ANKS6: variants seen among roughly 807,000 people sequenced by gnomAD.
The protein encoded by ANKS6 is ankyrin repeat and SAM domain-containing protein 6.
In ANKS6, 47 loss-of-function variants were observed where a neutral mutation model predicts 77.9. That is an observed-to-expected ratio of 0.60 (90% CI 0.48 to 0.77). ANKS6 has a LOEUF of 0.77. Among genes scored for constraint, ANKS6 ranks in the 30% least tolerant of loss-of-function variants. The pLI is 0.00. For synonymous variants in ANKS6, 488 were observed against 501.7 expected (o/e 0.97, Z 0.37); for missense variants, 1,150 against 1,159.1 (o/e 0.99, Z 0.11).
intron 11 of ANKS6, 55 bp from the exon 12 acceptor site, chr9:98,756,658 G>A: frequency 7.2e-7 from 1 of 1,387,532 alleles, no homozygotes; most frequent in Non-Finnish European, 9.4e-7. Flanking sequence ...GTAGAAATGA[G>A]GAAAACAAGA....
Position 98,770,898 on chromosome 9 carries a change from G to A in ANKS6, c.1970C>T (p.Ser657Leu). The A allele has an allele frequency of 6.7e-7, 1 of 1,499,188 alleles. No individual in the cohort carries two copies. The highest frequency in any genetic ancestry group is 8.9e-7 in the Non-Finnish European group (1 of 1,117,738). 92.9% of individuals were successfully genotyped at this position (1,499,188 alleles called of 1,614,324 possible). A position where few individuals can be genotyped will look rare whatever the true frequency, so the allele number is the denominator to read the frequency against. Residue 657 changes from serine (S) to leucine (L), a missense_variant and splice_region_variant, in exon 10 of 15, where the codon TCA (serine) becomes TTA (leucine). Physicochemically the swap from Ser to Leu is moderately radical, Grantham distance 145. Coordinates refer to ENST00000353234, the MANE Select transcript of ANKS6 (RefSeq NM_173551.5). ...SRHGGELLNR[S>L]GGSIDNVLSQ... is the part of the protein sequence containing the mutation. The stretch of plus-strand genomic sequence containing the variant: ...AGTGGCCCTGCCCAGCTACTCACCT[G>A]AGCGGTTAAGCAGCTCCCCACCGTG...
intron 9 of ANKS6, among the ~76,000 whole-genome samples, chr9:98,771,329 A>T (rs567844681): frequency 6.6e-6 from 1 of 152,098 alleles, no homozygotes; most frequent in Non-Finnish European, 1.5e-5. Context: ...CCAGGAAAAA[A>T]CCTGACCATG....
Position 98,733,622 on chromosome 9 carries a change from A to T in ANKS6, c.*2897T>A. ...GGGGCTTCTCCAATGGTGTCCAAGG[A>T]ATTCCAGTCTTGCAAAAGCACCTTG... On this transcript the variant is annotated 3_prime_UTR_variant, in exon 15 of 15. Coordinates refer to ENST00000353234, the MANE Select transcript of ANKS6 (RefSeq NM_173551.5). 1 of 985,492 alleles carries T rather than the reference A, an allele frequency of 1.0e-6. No homozygotes were observed. The highest frequency in any genetic ancestry group is 1.7e-5 in the African/African-American group (1 of 57,372). The allele number at this position is 985,492 out of a possible 1,614,324, so 61.0% of individuals were successfully genotyped here. A position where few individuals can be genotyped will look rare whatever the true frequency, so the allele number is the denominator to read the frequency against.
In ANKS6 at chr9:98,735,664, G is replaced by C. The variant is rs1438448173; in HGVS notation, c.*855C>G. On this transcript the variant is annotated 3_prime_UTR_variant, in exon 15 of 15. Transcript: ENST00000353234. ...TACAGGTGAGCACTGTGGAGTACCA[G>C]AGCATCATCTGGTCTGACCTTCCAC... 8.1e-7 allele frequency: 1 copy of C among 1,231,746 alleles called. No homozygotes were observed. The allele number at this position is 1,231,746 out of a possible 1,614,324, so 76.3% of individuals were successfully genotyped here.
At chr9:98,764,585 G>T (rs1341521837) in intron 11 of ANKS6, among the ~76,000 whole-genome samples, 1 of 152,116 alleles carries the variant, frequency 6.6e-6, no homozygotes, top group East Asian at 1.9e-4. Context: ...TTGTGATTCA[G>T]TTGGGGTAAA....
chr9:98,740,754 C>A (rs952200537), intron 14 of ANKS6, among the ~76,000 whole-genome samples: 1 of 152,072 alleles, frequency 6.6e-6, no homozygotes. Context: ...TTTAAAAACC[C>A]CTGAGTTTCA....
Position 98,790,154 on chromosome 9 carries a change from C to A in ANKS6, c.812G>T (p.Arg271Met). 1 of 1,590,558 alleles carries A rather than the reference C, an allele frequency of 6.3e-7. No individual in the cohort carries two copies. The highest frequency in any genetic ancestry group is 8.6e-7 in the Non-Finnish European group (1 of 1,161,910). The change falls in exon 2 of 15, where the codon AGG becomes ATG. Residue 271 changes from arginine to methionine, a missense_variant. Arg to Met is a moderately conservative substitution (Grantham distance 91). Coordinates refer to ENST00000353234, the MANE Select transcript of ANKS6 (RefSeq NM_173551.5). ...AFEVALDCKH[R>M]DLVDYLDPLT... ...CGGGTCCAGGTAGTCTACAAGGTCC[C>A]TGTGCTTGCAGTCCAGTGCAACCTC...
Position 98,786,003 on chromosome 9 carries a change from G to A in ANKS6, c.863-1127C>T, listed in dbSNP as rs146984314. Among the ~76,000 whole-genome samples the A allele has an allele frequency of 1.4e-3, 217 of 152,244 alleles. 2 individuals are homozygous for A. The East Asian group carries it at 0.034, about 24-fold the overall frequency. The stretch of plus-strand genomic sequence containing the variant: ...ACCCCAGAATTCTTTTTTTGAGATG[G>A]AGTCTCGCTCTGTCACCCAGGCTGG... On this transcript the variant is annotated intron_variant, in intron 2 of 14. Coordinates refer to ENST00000353234, the MANE Select transcript of ANKS6 (RefSeq NM_173551.5).
chr9:98,784,088 C>T lies in ANKS6; in HGVS notation c.977G>A (p.Gly326Glu), dbSNP rs766422156. 1 of 1,599,084 alleles carries T rather than the reference C, an allele frequency of 6.3e-7. No individual in the cohort carries two copies. Among genetic ancestry groups the T allele is most frequent in the Non-Finnish European group, 8.5e-7 (1 of 1,171,668 alleles). ...AGCTGCTAGCATCAGTGGCGTCGCC[C>T]CGTCCCCATTGACCAAGTTCACGTG... ...PSHVNLVNGD[G>E]ATPLMLAAVT... The change falls in exon 4 of 15, where the codon GGG (glycine) becomes GAG (glutamate). Residue 326 changes from glycine (G) to glutamate (E), a missense_variant. Gly to Glu is a moderately conservative substitution (Grantham distance 98). Transcript: ENST00000353234.
At chr9:98,785,468 T>C (rs547534725) in intron 2 of ANKS6, among the ~76,000 whole-genome samples, 13 of 152,346 alleles carry the variant, frequency 8.5e-5, no homozygotes, top group Non-Finnish European at 1.9e-4. Context: ...GGCATCTTCA[T>C]GCTGTACCCT....
chr9:98,745,982 C>T (rs546146430), intron 13 of ANKS6: 8 of 357,242 alleles, frequency 2.2e-5, no homozygotes, highest in South Asian at 7.5e-5. Flanking sequence ...ATCCAAGGCC[C>T]GCTATTAGAA....
At chr9:98,760,898 A>C (rs1413271367) in intron 11 of ANKS6, among the ~76,000 whole-genome samples, 1 of 152,212 alleles carries the variant, frequency 6.6e-6, no homozygotes, top group African/African-American at 2.4e-5. Flanking sequence ...TTTTTTAAAA[A>C]TCCACCTAGT....
In ANKS6 at chr9:98,788,958, A is replaced by AT. The variant is rs550805872; in HGVS notation, c.862+1145dup. On this transcript the variant is annotated intron_variant, in intron 2 of 14. Coordinates refer to ENST00000353234, the MANE Select transcript of ANKS6 (RefSeq NM_173551.5). ...TCCTTTTCATTTGAGCATCCTCTTCATTTTTGCCACCTCTCTGTCATTACA... is the reference window on the plus strand; with the variant it reads ...TCCTTTTCATTTGAGCATCCTCTTCATTTTTTGCCACCTCTCTGTCATTACA... Among the ~76,000 whole-genome samples the AT allele has an allele frequency of 5.8e-3, 860 of 149,418 alleles. 8 individuals are homozygous for AT. The highest frequency in any genetic ancestry group is 7.9e-3 in the Non-Finnish European group (533 of 67,552).
Position 98,732,369 on chromosome 9 carries a change from A to G in ANKS6, c.*4150T>C, listed in dbSNP as rs1831247530. On this transcript the variant is annotated 3_prime_UTR_variant, in exon 15 of 15. Coordinates refer to ENST00000353234, the MANE Select transcript of ANKS6 (RefSeq NM_173551.5). Reference sequence around the variant, plus strand: ...TCAGCTTCTACGACTTGGTCAAACTATCTTTCTTTCTGTCTGCCATGCCAG... The same window carrying G: ...TCAGCTTCTACGACTTGGTCAAACTGTCTTTCTTTCTGTCTGCCATGCCAG... 2 of 1,052,484 alleles carry G rather than the reference A, an allele frequency of 1.9e-6. No individual in the cohort carries two copies. The highest frequency in any genetic ancestry group is 2.7e-6 in the Non-Finnish European group (2 of 733,130). The allele number at this position is 1,052,484 out of a possible 1,614,324, so 65.2% of individuals were successfully genotyped here.
intron 11 of ANKS6, among the ~76,000 whole-genome samples, chr9:98,758,683 T>G (rs1398622244): frequency 6.6e-6 from 1 of 152,374 alleles, no homozygotes; most frequent in Non-Finnish European, 1.5e-5. Flanking sequence ...TTCATACCGA[T>G]ACCTCTGACT....
Position 98,780,247 on chromosome 9 carries a change from G to C in ANKS6, c.1310C>G (p.Ser437Trp), listed in dbSNP as rs60911313. The C allele has an allele frequency of 9.9e-6, 16 of 1,613,936 alleles. No individual in the cohort carries two copies. The highest frequency in any genetic ancestry group is 4.4e-5 in the South Asian group (4 of 90,958). ...GATGCTCCAGGGCTGTCGGACCTTC[G>C]AGTGGGGCAGGGGAGGCTGGTGGCT... is the stretch of plus-strand genomic sequence containing the variant. ...RPSHQPPLPH[S>W]KVRQPWSIPV... The change falls in exon 6 of 15, where the codon TCG becomes TGG. Residue 437 changes from serine (S) to tryptophan (W), a missense_variant. Transcript: ENST00000353234.
intron 11 of ANKS6, among the ~76,000 whole-genome samples, chr9:98,764,012 A>T (rs911436158): frequency 3.7e-4 from 56 of 152,156 alleles, no homozygotes; most frequent in Non-Finnish European, 6.6e-4. Context: ...GGCAGGCCCA[A>T]ATGGTTTCCC....
At position 98,739,048 on chromosome 9, in the gene ANKS6, G is replaced by A. The variant is rs546117032; in HGVS notation, c.2512-2425C>T. On this transcript the variant is annotated intron_variant, in intron 14 of 14. Coordinates refer to ENST00000353234, the MANE Select transcript of ANKS6 (RefSeq NM_173551.5). ...AACCAAAAATAATATGTTCTCACTT[G>A]TAAGTGGGAGCTAAGCTAGGAGGAT... Among the ~76,000 whole-genome samples the A allele has an allele frequency of 2.4e-4, 36 of 152,038 alleles. 1 individual carries two copies. The South Asian group carries it at 7.5e-3, about 32-fold the overall frequency.
chr9:98,744,065 C>T (rs1475032326), intron 14 of ANKS6, among the ~76,000 whole-genome samples: 1 of 152,164 alleles, frequency 6.6e-6, no homozygotes, highest in Non-Finnish European at 1.5e-5. Flanking sequence ...GGCATCACTG[C>T]CCAACTCTGA....
Sources: allele counts gnomAD v4.1 joint callset (sites outside exome capture counted in the v4.1 genomes callset), GRCh38; gene constraint gnomAD v4.1.1; transcripts MANE v1.5; gene names NCBI Gene and HGNC (gene_info 2026-07-23, HGNC 2026-07-21).